The following ERGIC2 variants were observed in gnomAD, a reference collection of about 807,000 sequenced individuals.
The protein encoded by ERGIC2 is ERGIC and golgi 2.
A neutral mutation model predicts 52.5 loss-of-function variants in ERGIC2; 31 were observed. The ratio of observed to expected loss-of-function variants is 0.59; its 90% CI spans 0.44 to 0.80. The LOEUF (loss-of-function observed/expected upper bound fraction) is 0.80. Ranked by LOEUF, ERGIC2 falls within the 30% of genes least tolerant of loss-of-function variation. The probability of loss-of-function intolerance (pLI) is 0.00; values close to 1 mark genes in which losing one functional copy is unlikely to be tolerated. For missense variants in ERGIC2, 395 were observed against 455.2 expected (o/e 0.87, Z 1.20); for synonymous variants, 129 against 140.6 (o/e 0.92, Z 0.58).
chr12:29,352,556 C>A (rs1176093451), intron 8 of ERGIC2, among the ~76,000 whole-genome samples: 1 of 152,076 alleles, frequency 6.6e-6, no homozygotes. Flanking sequence ...CCCAGCTACT[C>A]AGGAGGCTGA....
rs1949829912 is a variant in ERGIC2, at chr12:29,340,487, CTG to C, written c.*667_*668del. On this transcript the variant is annotated 3_prime_UTR_variant, in exon 14 of 14. Coordinates refer to ENST00000360150, the MANE Select transcript of ERGIC2 (RefSeq NM_016570.3). ...TTACATAACACCTACATATCTGCCC[CTG>C]TGAGAATTTACCTTAGTCTTCTAAG... 6.3e-6 allele frequency: 1 copy of C among 159,862 alleles called. No homozygotes were observed. The highest frequency in any genetic ancestry group is 1.8e-4 in the South Asian group (1 of 5,558). The allele number at this position is 159,862 out of a possible 1,614,324, so 9.9% of individuals were successfully genotyped here.
At chr12:29,363,159 G>A (rs12810315) in intron 5 of ERGIC2, among the ~76,000 whole-genome samples, 18,150 of 152,166 alleles carry the variant, frequency 0.12, 1,244 homozygotes, top group Middle Eastern at 0.23. Flanking sequence ...CAGATAGTAA[G>A]TAACAACCAA....
At chr12:29,362,129 C>T (rs981149703) in intron 5 of ERGIC2, among the ~76,000 whole-genome samples, 4 of 152,082 alleles carry the variant, frequency 2.6e-5, no homozygotes, top group African/African-American at 9.7e-5. Flanking sequence ...TTAAAAATAG[C>T]ACAGTTAATT....
chr12:29,354,040 T>C (rs1294418884), intron 8 of ERGIC2, among the ~76,000 whole-genome samples: 1 of 151,978 alleles, frequency 6.6e-6, no homozygotes, highest in African/African-American at 2.4e-5. Context: ...TGGGAAGGGG[T>C]TGCTATTGGG....
rs1464695323 is a variant in ERGIC2 at position 29,341,043 on chromosome 12, T to A, written c.*113A>T. On this transcript the variant is annotated 3_prime_UTR_variant, in exon 14 of 14. Coordinates refer to ENST00000360150, the MANE Select transcript of ERGIC2 (RefSeq NM_016570.3). Reference sequence around the variant, plus strand: ...TTTTTTTTCTTTTTTAAAATAAGTATGTTTTCTGCTTATTTGTGTTTTCTT... The same window carrying A: ...TTTTTTTTCTTTTTTAAAATAAGTAAGTTTTCTGCTTATTTGTGTTTTCTT... 1 of 773,196 alleles carries A rather than the reference T, an allele frequency of 1.3e-6. No individual in the cohort carries two copies. The highest frequency in any genetic ancestry group is 1.7e-5 in the South Asian group (1 of 59,290). The allele number at this position is 773,196 out of a possible 1,614,324, so 47.9% of individuals were successfully genotyped here.
At chr12:29,353,546 T>C (rs367822802) in intron 8 of ERGIC2, among the ~76,000 whole-genome samples, 1 of 152,112 alleles carries the variant, frequency 6.6e-6, no homozygotes, top group East Asian at 1.9e-4. Flanking sequence ...GCATTTCCTT[T>C]GAGCATCGTG....
chr12:29,362,120 T>G (rs75781608), intron 5 of ERGIC2, among the ~76,000 whole-genome samples: 7,344 of 152,216 alleles, frequency 0.048, 488 homozygotes, highest in African/African-American at 0.15. Flanking sequence ...GAAATGAGTT[T>G]AAAAATAGCA....
chr12:29,356,730 G>A (rs1000145425), intron 7 of ERGIC2, among the ~76,000 whole-genome samples: 24 of 151,948 alleles, frequency 1.6e-4, no homozygotes, highest in African/African-American at 5.6e-4. Context: ...CTAACCAGAG[G>A]ACTAAGTCCA....
In ERGIC2 at chr12:29,341,762, C is replaced by T; in HGVS notation, c.1043G>A (p.Arg348Lys). 6.2e-7 allele frequency: 1 copy of T among 1,600,222 alleles called. No homozygotes were observed. The highest frequency in any genetic ancestry group is 2.2e-5 in the East Asian group (1 of 44,810). Residue 348 changes from arginine (R) to lysine (K), a missense_variant, in exon 13 of 14, where the codon AGA becomes AAA. Coordinates refer to ENST00000360150, the MANE Select transcript of ERGIC2 (RefSeq NM_016570.3). ...FIVEIICCRF[R>K]LGSYKPVNSV... ...ATTGACAGGTTTATAGGATCCAAGT[C>T]TGAAACGACAGCAAATTATTTCAAC...
rs1940422952 is a variant in ERGIC2, at chr12:29,370,233, CA to C, written c.107-12del. On this transcript the variant is annotated splice_polypyrimidine_tract_variant and intron_variant, in intron 2 of 13. Transcript: ENST00000360150. ...ATGCTATTAGAGAAACTGGGAAATC[CA>C]ACAACAAAAGAAAAACAGAATTAAA... 1 of 1,527,736 alleles carries C rather than the reference CA, an allele frequency of 6.5e-7. No individual in the cohort carries two copies. The highest frequency in any genetic ancestry group is 1.3e-5 in the South Asian group (1 of 75,392). The allele number at this position is 1,527,736 out of a possible 1,614,324, so 94.6% of individuals were successfully genotyped here.
Position 29,349,364 on chromosome 12 carries a change from TATAAA to T in ERGIC2, c.629-192_629-188del, listed in dbSNP as rs563969685. Reference sequence around the variant, plus strand: ...AATGTAAATATATGCGAATTAAATGTATAAAATAAATTCTGACAAAATGCTATATC... The same window carrying T: ...AATGTAAATATATGCGAATTAAATGTATAAATTCTGACAAAATGCTATATC... On this transcript the variant is annotated intron_variant, in intron 9 of 13. Transcript: ENST00000360150. Among the ~76,000 whole-genome samples, 15 of 152,098 alleles carry T rather than the reference TATAAA, an allele frequency of 9.9e-5. No homozygotes were observed. The South Asian group carries it at 2.9e-3, about 29-fold the overall frequency.
intron 5 of ERGIC2, among the ~76,000 whole-genome samples, chr12:29,362,638 C>T (rs1157329572): frequency 6.6e-6 from 1 of 151,826 alleles, no homozygotes; most frequent in African/African-American, 2.4e-5. Context: ...GTTCACAGCT[C>T]TACTTCTGTG....
intron 1 of ERGIC2, among the ~76,000 whole-genome samples, chr12:29,373,148 C>T (rs1940467303): frequency 6.6e-6 from 1 of 151,988 alleles, no homozygotes; most frequent in Non-Finnish European, 1.5e-5. Flanking sequence ...ATTTTAATTG[C>T]CTTTACATAT....
At chr12:29,344,533 T>C (rs1325322483) in intron 11 of ERGIC2, among the ~76,000 whole-genome samples, 1 of 152,212 alleles carries the variant, frequency 6.6e-6, no homozygotes, top group African/African-American at 2.4e-5. Context: ...AGTTTCTTTG[T>C]GTGAGTGTAT....
At chr12:29,361,599 T>C in intron 6 of ERGIC2, 46 bp downstream of exon 6, 1 of 1,463,562 alleles carries the variant, frequency 6.8e-7, no homozygotes. Flanking sequence ...ATAGACAAAA[T>C]ATGACTTAGA....
At position 29,343,224 on chromosome 12, in the gene ERGIC2, T is replaced by C; in HGVS notation, c.884A>G (p.Tyr295Cys). 1 of 1,611,034 alleles carries C rather than the reference T, an allele frequency of 6.2e-7. No homozygotes were observed. The highest frequency in any genetic ancestry group is 8.5e-7 in the Non-Finnish European group (1 of 1,177,970). ...SHGVSGIFMK[Y>C]DLSSLMVTVT... ...TGTCACCATAAGAGAACTGAGATCA[T>C]ATTTCATAAATATCCCAGAGACTCC... The change falls in exon 12 of 14, where the codon TAT becomes TGT. Residue 295 changes from tyrosine (Y) to cysteine (C), a missense_variant. By Grantham distance (194) the Tyr-to-Cys change is radical (BLOSUM62 -2). Transcript: ENST00000360150.
rs869281697 is a variant in ERGIC2 at position 29,346,193 on chromosome 12, C to CT, written c.728-654dup. ...TGGAAAAGTAGCATTTTTCTTTTTC[C>CT]TTTTTTTTTTTTTGAGATAGGGTCT... is the stretch of plus-strand genomic sequence containing the variant. On this transcript the variant is annotated intron_variant, in intron 10 of 13. Transcript: ENST00000360150. Among the ~76,000 whole-genome samples, 1,378 of 140,438 alleles carry CT rather than the reference C, an allele frequency of 9.8e-3. 14 individuals carry two copies. The highest frequency in any genetic ancestry group is 0.031 in the African/African-American group (1,191 of 37,932). The allele number at this position is 140,438 out of a possible 152,430, so 92.1% of individuals were successfully genotyped here. A position where few individuals can be genotyped will look rare whatever the true frequency, so the allele number is the denominator to read the frequency against.
chr12:29,357,463 C>A (rs938151298), intron 7 of ERGIC2, among the ~76,000 whole-genome samples, 160 bp downstream of exon 7: 1 of 152,022 alleles, frequency 6.6e-6, no homozygotes, highest in Non-Finnish European at 1.5e-5. Flanking sequence ...AAATCACAGG[C>A]TATAAATTTA....
chr12:29,357,151 G>A (rs1591992639), intron 7 of ERGIC2, among the ~76,000 whole-genome samples: 1 of 151,772 alleles, frequency 6.6e-6, no homozygotes, highest in Admixed American at 6.6e-5. Context: ...TGTATTTTTC[G>A]TAGGGACGGA....
Sources: allele counts gnomAD v4.1 joint callset (sites outside exome capture counted in the v4.1 genomes callset), GRCh38; gene constraint gnomAD v4.1.1; transcripts MANE v1.5; gene names NCBI Gene and HGNC (gene_info 2026-07-23, HGNC 2026-07-21).